FIBP: variants seen among roughly 807,000 people sequenced by gnomAD.
The protein encoded by FIBP is acidic fibroblast growth factor intracellular-binding protein.
In FIBP, 29 loss-of-function variants were observed where a neutral mutation model predicts 40.5. The ratio of observed to expected loss-of-function variants is 0.72; its 90% confidence interval spans 0.53 to 0.98. The LOEUF (loss-of-function observed/expected upper bound fraction) is 0.98, where lower values mean the gene tolerates loss of function less well. FIBP is among the 50% of genes least tolerant of loss of function. The pLI is 0.00. For synonymous variants in FIBP, 215 were observed against 191.1 expected (o/e 1.13, Z -1.03); for missense variants, 411 against 470.2 (o/e 0.87, Z 1.16).
chr11:65,887,400 C>T (rs1591078820), intron 3 of FIBP, 200 bp downstream of exon 3: 2 of 607,544 alleles, frequency 3.3e-6, no homozygotes, highest in Admixed American at 2.6e-5. Flanking sequence ...GAGCTGAGGT[C>T]GCGCCACTGC....
rs748953527 is a variant in FIBP at position 65,887,914 on chromosome 11, C to A, written c.284+20G>T. 6.2e-7 allele frequency: 1 copy of A among 1,610,950 alleles called. No homozygotes were observed. Among genetic ancestry groups the A allele is most frequent in the Admixed American group, 1.7e-5 (1 of 59,578 alleles). On this transcript the variant is annotated intron_variant, in intron 2 of 9. Coordinates refer to ENST00000357519, the MANE Select transcript of FIBP (RefSeq NM_004214.5). ...ACAGTCAGACTGGTTGATGTCTCCA[C>A]CATCCCAGAGGGTGAGCACCTCTCG...
chr11:65,886,223 A>C (rs1362744514), intron 4 of FIBP, 99 bp downstream of exon 4: 1 of 712,014 alleles, frequency 1.4e-6, no homozygotes, highest in Non-Finnish European at 2.5e-6. Flanking sequence ...TCATTCCCCC[A>C]GCATACTCAG....
Position 65,888,441 on chromosome 11 carries a change from C to T in FIBP, c.-23G>A. 6.5e-7 allele frequency: 1 copy of T among 1,549,836 alleles called. No individual in the cohort carries two copies. Among genetic ancestry groups the T allele is most frequent in the Non-Finnish European group, 8.7e-7 (1 of 1,145,550 alleles). ...CATGGCGACGCCCGGGGCCGCAGCGCCCCGAGCAGGAGCGAGCACTGCTCG... is the reference window on the plus strand; with the variant it reads ...CATGGCGACGCCCGGGGCCGCAGCGTCCCGAGCAGGAGCGAGCACTGCTCG... On this transcript the variant is annotated 5_prime_UTR_variant, in exon 1 of 10. Transcript: ENST00000357519.
chr11:65,886,214 C>A, intron 4 of FIBP, 108 bp downstream of exon 4: 46 of 535,590 alleles, frequency 8.6e-5, no homozygotes, highest in South Asian at 1.1e-4. Context: ...GTGGGATAAT[C>A]ATTCCCCCAG....
In FIBP at chr11:65,885,549, G is replaced by A. The variant is rs777151418; in HGVS notation, c.627C>T (p.Asn209=). ...CCTCACCGACGGCTCCAAGGGTCCA[G>A]TTTTGGATCATGAGCTCAGCGCAGA... ...FAFCAELMIQ[N]WTLGAVDSQM... The change falls in exon 5 of 10, where the codon AAC becomes AAT. Residue 209 remains asparagine, a synonymous_variant. Coordinates refer to ENST00000357519, the MANE Select transcript of FIBP (RefSeq NM_004214.5). 6.2e-7 allele frequency: 1 copy of A among 1,614,152 alleles called. No homozygotes were observed. The highest frequency in any genetic ancestry group is 2.2e-5 in the East Asian group (1 of 44,890).
intron 4 of FIBP, 174 bp from the exon 5 acceptor site, chr11:65,885,837 G>T (rs886124451): frequency 7.8e-6 from 5 of 642,750 alleles, no homozygotes; most frequent in South Asian, 2.1e-5. Context: ...CGAAGAGAAG[G>T]TTCCAGCTCA....
In FIBP at chr11:65,888,351, C is replaced by A; in HGVS notation, c.68G>T (p.Trp23Leu). ...TCACGGACCCGAGTAACCATCGAGC[C>A]AGAGGCGATACACGTCCTCGTCGAT... is the stretch of plus-strand genomic sequence containing the variant. ...TLIDEDVYRL[W>L]LDGYSVTDAV... Residue 23 changes from tryptophan (W) to leucine (L), a missense_variant, in exon 1 of 10, where the codon TGG (tryptophan) becomes TTG (leucine). Transcript: ENST00000357519. The A allele has an allele frequency of 6.4e-7, 1 of 1,557,488 alleles. No homozygotes were observed. Among genetic ancestry groups the A allele is most frequent in the Admixed American group, 1.9e-5 (1 of 51,992 alleles).
chr11:65,884,023 C>T lies in FIBP; in HGVS notation c.1025G>A (p.Arg342His), dbSNP rs954777696. Residue 342 changes from arginine to histidine, a missense_variant, in exon 10 of 10, where the codon CGC becomes CAC. Transcript: ENST00000357519. ...DGFRHQALWD[R>H]YMGTLRGCLL... ...GCAGCCGCGGAGGGTGCCCATGTAG[C>T]GGTCCCAGAGGGCCTGGTGTCTGTA... 12 of 1,613,702 alleles carry T rather than the reference C, an allele frequency of 7.4e-6. No homozygotes were observed. Among genetic ancestry groups the T allele is most frequent in the African/African-American group, 2.7e-5 (2 of 74,926 alleles).
chr11:65,887,734 A>G lies in FIBP; in HGVS notation c.285-8T>C. 1 of 1,614,032 alleles carries G rather than the reference A, an allele frequency of 6.2e-7. No individual in the cohort carries two copies. The highest frequency in any genetic ancestry group is 8.5e-7 in the Non-Finnish European group (1 of 1,180,000). ...TCATCAAAGGCATAGTACCTTGTGGAGTCAGAGAACACCATTGACCCTCCA... is the reference window on the plus strand; with the variant it reads ...TCATCAAAGGCATAGTACCTTGTGGGGTCAGAGAACACCATTGACCCTCCA... On this transcript the variant is annotated splice_region_variant and splice_polypyrimidine_tract_variant and intron_variant, in intron 2 of 9. Coordinates refer to ENST00000357519, the MANE Select transcript of FIBP (RefSeq NM_004214.5).
rs1468394101 is a variant in FIBP, at chr11:65,888,321, G to GC, written c.85+12dup. ...GCTCCGCCGACTGGCTTCCCCACAC[G>GC]CCCCTCACGGACCCGAGTAACCATC... On this transcript the variant is annotated intron_variant, in intron 1 of 9. Transcript: ENST00000357519. The GC allele has an allele frequency of 5.2e-6, 8 of 1,547,584 alleles. No homozygotes were observed. The highest frequency in any genetic ancestry group is 7.0e-6 in the Non-Finnish European group (8 of 1,144,554).
chr11:65,885,501 C>G, intron 5 of FIBP, 29 bp downstream of exon 5: 2 of 1,603,906 alleles, frequency 1.2e-6, no homozygotes, highest in Non-Finnish European at 1.7e-6. Context: ...GGGGAGGCGT[C>G]CAGGCACCTG....
intron 3 of FIBP, 61 bp from the exon 4 acceptor site, chr11:65,886,483 A>C: frequency 9.3e-7 from 1 of 1,076,618 alleles, no homozygotes. Context: ...TCGCTCACCC[A>C]ATAAACCACT....
rs200059628 is a variant in FIBP at position 65,885,588 on chromosome 11, G to A, written c.588C>T (p.Phe196=). Residue 196 remains phenylalanine, a synonymous_variant, in exon 5 of 10, where the codon TTC becomes TTT. Transcript: ENST00000357519. ...GCTCAGCGCAGAAGGCAAAGTCACC[G>A]AAGCTCAGATACTGCAGTTTTTTCT... is the stretch of plus-strand genomic sequence containing the variant. ...TGKKKLQYLS[F]GDFAFCAELM... The A allele has an allele frequency of 2.8e-5, 45 of 1,614,070 alleles. No individual in the cohort carries two copies. The South Asian group carries it at 3.4e-4, about 12-fold the overall frequency.
chr11:65,886,322 C>G lies in FIBP; in HGVS notation c.512G>C (p.Arg171Thr), dbSNP rs1459238252. 1.9e-6 allele frequency: 3 copies of G among 1,611,482 alleles called. No homozygotes were observed. The South Asian group carries it at 3.3e-5, about 18-fold the overall frequency. ...GATGGGGAGGTGGCTAGCTCCTCAC[C>G]TGGCCAACCGGTCAGAGAGGAGGAA... ...QHFLLSDRLA[R>T]DYAAIVFFAN... Residue 171 changes from arginine (R) to threonine (T), a missense_variant and splice_region_variant, in exon 4 of 10, where the codon AGG becomes ACG. Physicochemically the swap from Arg to Thr is moderately conservative, Grantham distance 71 (BLOSUM62 -1). Transcript: ENST00000357519.
chr11:65,887,827 T>C, intron 2 of FIBP, 101 bp from the exon 3 acceptor site: 1 of 1,594,380 alleles, frequency 6.3e-7, no homozygotes, highest in Middle Eastern at 1.7e-4. Context: ...CACTCTCAAC[T>C]TTCTGATGGC....
rs1342851873 is a variant in FIBP at position 65,883,965 on chromosome 11, G to A, written c.*9C>T. Reference sequence around the variant, plus strand: ...TATTGTCAGCGTGGGCGGAGCGTTGGGAGGCACCTCAGTCATGATACAGGC... The same window carrying A: ...TATTGTCAGCGTGGGCGGAGCGTTGAGAGGCACCTCAGTCATGATACAGGC... On this transcript the variant is annotated 3_prime_UTR_variant, in exon 10 of 10. Transcript: ENST00000357519. 6.2e-7 allele frequency: 1 copy of A among 1,613,410 alleles called. No homozygotes were observed. The highest frequency in any genetic ancestry group is 1.7e-5 in the Admixed American group (1 of 59,982).
chr11:65,888,244 C>T (rs529522531), intron 1 of FIBP, 90 bp downstream of exon 1: 5 of 1,480,620 alleles, frequency 3.4e-6, no homozygotes, highest in East Asian at 2.5e-5. Context: ...CGCCCACTTC[C>T]CTAAAGGATG....
At position 65,884,469 on chromosome 11, in the gene FIBP, G is replaced by T; in HGVS notation, c.927C>A (p.Ser309=). 6.2e-7 allele frequency: 1 copy of T among 1,614,156 alleles called. No homozygotes were observed. Among genetic ancestry groups the T allele is most frequent in the South Asian group, 1.1e-5 (1 of 91,082 alleles). The change falls in exon 9 of 10, where the codon TCC becomes TCA. Residue 309 remains serine, a synonymous_variant. Transcript: ENST00000357519. The part of the protein sequence containing the change: ...LVEKFVEPCR[S]DHWPLSDVRF... ...GCACGTCGCTGAGTGGCCAGTGGTCGGAGCGGCAGGGTTCCACAAACTGCG... is the reference window on the plus strand; with the variant it reads ...GCACGTCGCTGAGTGGCCAGTGGTCTGAGCGGCAGGGTTCCACAAACTGCG...
At chr11:65,884,150 C>T in intron 9 of FIBP, 107 bp from the exon 10 acceptor site, 1 of 940,994 alleles carries the variant, frequency 1.1e-6, no homozygotes, top group African/African-American at 1.6e-5. Flanking sequence ...CTTAGAAAAT[C>T]CTTACAATTC....
Sources: gnomAD v4.1 joint callset for allele counts on GRCh38, gnomAD v4.1.1 for gene constraint, MANE v1.5 for transcripts, NCBI Gene and HGNC (gene_info 2026-07-23, HGNC 2026-07-21) for gene names.